The following ANKS1B variants were observed in gnomAD, a reference collection of about 807,000 sequenced individuals.
ANKS1B encodes the protein ankyrin repeat and sterile alpha motif domain containing 1B.
A neutral mutation model predicts 148.3 loss-of-function variants in ANKS1B; 36 were observed. The ratio of observed to expected loss-of-function variants is 0.24; its 90% CI spans 0.19 to 0.32. The LOEUF (loss-of-function observed/expected upper bound fraction) is 0.32. ANKS1B is among the 10% of genes least tolerant of loss of function. The probability of loss-of-function intolerance (pLI) is 1.00; values close to 1 mark genes in which losing one functional copy is unlikely to be tolerated. For synonymous variants in ANKS1B, 542 were observed against 560.8 expected, an observed-to-expected ratio of 0.97 and a Z score of 0.47; for missense variants, 1,157 against 1,542.6, an observed-to-expected ratio of 0.75 and a Z score of 4.19.
chr12:99,698,732 T>A (rs1186359831), intron 8 of ANKS1B, among the ~76,000 whole-genome samples: 1 of 152,164 alleles, frequency 6.6e-6, no homozygotes, highest in African/African-American at 2.4e-5. Context: ...CTTGGAAAAT[T>A]TCTTTTTCCT....
At chr12:99,060,700 C>CACACAT (rs1555202206) in intron 16 of ANKS1B, among the ~76,000 whole-genome samples, 148 of 51,010 alleles carry the variant, frequency 2.9e-3, no homozygotes, top group African/African-American at 4.6e-3. Flanking sequence ...CACACACACA[C>CACACAT]ATATATATAG....
At chr12:99,777,239 G>A (rs1188249164) in intron 6 of ANKS1B, among the ~76,000 whole-genome samples, 3 of 152,116 alleles carry the variant, frequency 2.0e-5, no homozygotes, top group African/African-American at 7.2e-5. Flanking sequence ...TGCCAAACAA[G>A]TATGTCCTCA....
intron 8 of ANKS1B, among the ~76,000 whole-genome samples, chr12:99,679,474 A>AT (rs1319497702): frequency 2.6e-5 from 4 of 151,298 alleles, no homozygotes; most frequent in Admixed American, 6.6e-5. Context: ...CACCCAGATA[A>AT]TTTTTTTTTA....
intron 14 of ANKS1B, among the ~76,000 whole-genome samples, chr12:99,203,616 A>G (rs557215706): frequency 6.6e-6 from 1 of 151,786 alleles, no homozygotes; most frequent in East Asian, 1.9e-4. Flanking sequence ...AAGCCCGACA[A>G]ATTTTTTTGT....
chr12:99,438,826 A>G (rs1473008488), intron 11 of ANKS1B, among the ~76,000 whole-genome samples: 2 of 151,874 alleles, frequency 1.3e-5, no homozygotes, highest in Non-Finnish European at 2.9e-5. Flanking sequence ...ACAAGGCAAT[A>G]ATTCTTGGTT....
At chr12:98,886,255 A>G (rs766958670) in intron 17 of ANKS1B, among the ~76,000 whole-genome samples, 3 of 152,216 alleles carry the variant, frequency 2.0e-5, no homozygotes, top group Non-Finnish European at 4.4e-5. Context: ...GGACCTAAGG[A>G]AGCAAATTAA....
At chr12:99,070,634 C>A (rs1001675327) in intron 16 of ANKS1B, among the ~76,000 whole-genome samples, 1 of 152,164 alleles carries the variant, frequency 6.6e-6, no homozygotes, top group Non-Finnish European at 1.5e-5. Flanking sequence ...TGAGTTATCA[C>A]AAACTTCCAC....
intron 4 of ANKS1B, among the ~76,000 whole-genome samples, chr12:99,785,617 G>A (rs11110039): frequency 6.6e-6 from 1 of 152,088 alleles, no homozygotes; most frequent in Non-Finnish European, 1.5e-5. Context: ...ATGTTTAGTA[G>A]AGAGGGGCTT....
intron 9 of ANKS1B, among the ~76,000 whole-genome samples, chr12:99,617,186 C>G (rs1185649894): frequency 2.6e-5 from 4 of 151,986 alleles, no homozygotes; most frequent in African/African-American, 9.7e-5. Context: ...ACTTTTACAC[C>G]ATTGGTGGGA....
chr12:99,208,257 C>T (rs1009733729), intron 14 of ANKS1B, among the ~76,000 whole-genome samples: 2 of 152,064 alleles, frequency 1.3e-5, no homozygotes, highest in Non-Finnish European at 2.9e-5. Context: ...AGGTAACTTA[C>T]TGTATTTGCC....
intron 16 of ANKS1B, among the ~76,000 whole-genome samples, chr12:99,055,725 G>GCC (rs1555196709): frequency 1.3e-5 from 2 of 150,624 alleles, no homozygotes; most frequent in South Asian, 4.3e-4. Context: ...TAAACTTGGG[G>GCC]GGGGGGGAGG....
intron 14 of ANKS1B, among the ~76,000 whole-genome samples, chr12:99,191,485 C>T (rs1566595748): frequency 6.6e-6 from 1 of 152,148 alleles, no homozygotes; most frequent in Non-Finnish European, 1.5e-5. Context: ...GAAAATGTGG[C>T]ACATATACAC....
In ANKS1B at chr12:99,775,920, C is replaced by T. The variant is rs772489246; in HGVS notation, c.848-259G>A. Among the ~76,000 whole-genome samples the T allele has an allele frequency of 2.6e-5, 4 of 152,148 alleles. No homozygotes were observed. In the East Asian group the frequency reaches 5.8e-4, roughly 22 times the overall value. On this transcript the variant is annotated intron_variant, in intron 6 of 26. Transcript: ENST00000683438. ...GAACCCCTTTCTTCTAAAACCTAAA[C>T]TTAAAACATTCTTTCCTTAAAAATA... is the stretch of plus-strand genomic sequence containing the variant.
At chr12:99,338,266 T>A (rs577866808) in intron 12 of ANKS1B, among the ~76,000 whole-genome samples, 2 of 152,092 alleles carry the variant, frequency 1.3e-5, no homozygotes, top group South Asian at 4.1e-4. Flanking sequence ...CATTCTTTTC[T>A]CTCCTTTCCT....
chr12:99,571,555 A>G (rs777541287), intron 9 of ANKS1B, among the ~76,000 whole-genome samples: 3 of 152,072 alleles, frequency 2.0e-5, no homozygotes, highest in Non-Finnish European at 4.4e-5. Context: ...TAAATATATA[A>G]CACAAACATG....
At chr12:99,825,478 A>C (rs1198271128) in intron 1 of ANKS1B, 89 bp from the exon 2 acceptor site, 6 of 938,748 alleles carry the variant, frequency 6.4e-6, no homozygotes, top group Non-Finnish European at 8.1e-6. Flanking sequence ...CACAGTCAGC[A>C]GCAGGTTGTA....
At chr12:99,128,864 T>C (rs991373730) in intron 15 of ANKS1B, among the ~76,000 whole-genome samples, 8 of 152,058 alleles carry the variant, frequency 5.3e-5, no homozygotes, top group African/African-American at 1.9e-4. Context: ...GAAACTGAAT[T>C]TGAGTTTATG....
chr12:99,869,270 AG>A (rs1256721373), intron 1 of ANKS1B, among the ~76,000 whole-genome samples: 1 of 152,172 alleles, frequency 6.6e-6, no homozygotes, highest in Non-Finnish European at 1.5e-5. Context: ...AAGTGGGAGG[AG>A]GTACACCATC....
chr12:99,171,289 G>A (rs1347322748), intron 14 of ANKS1B, among the ~76,000 whole-genome samples: 1 of 152,162 alleles, frequency 6.6e-6, no homozygotes, highest in Non-Finnish European at 1.5e-5. Context: ...GTAAGAATTA[G>A]CAGGAAAAGA....
Sources: allele counts gnomAD v4.1 joint callset (sites outside exome capture counted in the v4.1 genomes callset), GRCh38; gene constraint gnomAD v4.1.1; transcripts MANE v1.5; gene names NCBI Gene and HGNC (gene_info 2026-07-23, HGNC 2026-07-21).